OSBPL1A: variants seen among roughly 807,000 people sequenced by gnomAD.
OSBPL1A encodes oxysterol binding protein like 1A.
Under a neutral mutation model 137.1 loss-of-function variants are expected in OSBPL1A, and 80 were observed. The observed-to-expected ratio is 0.58, with a 90% confidence interval of 0.49 to 0.70. The LOEUF (loss-of-function observed/expected upper bound fraction) is 0.70. Among genes scored for constraint, OSBPL1A ranks in the 30% least tolerant of loss-of-function variants. The probability of loss-of-function intolerance (pLI) is 0.00; values close to 1 mark genes in which losing one functional copy is unlikely to be tolerated. For missense variants in OSBPL1A, 970 were observed against 1,129.4 expected (o/e 0.86, Z 2.02); for synonymous variants, 365 against 389.7 (o/e 0.94, Z 0.75).
chr18:24,316,570 A>C (rs1439606874), intron 11 of OSBPL1A, among the ~76,000 whole-genome samples: 1 of 152,208 alleles, frequency 6.6e-6, no homozygotes, highest in African/African-American at 2.4e-5. Flanking sequence ...AGAGATAAAG[A>C]GGGCCACAAA....
chr18:24,346,830 T>C (rs574162132), intron 4 of OSBPL1A, among the ~76,000 whole-genome samples: 2 of 152,150 alleles, frequency 1.3e-5, no homozygotes, highest in South Asian at 2.1e-4. Context: ...AGCCTCAAGC[T>C]CCTGGCTCAA....
intron 15 of OSBPL1A, among the ~76,000 whole-genome samples, chr18:24,270,653 G>C (rs16940623): frequency 0.29 from 43,640 of 151,870 alleles, 6,707 homozygotes; most frequent in Middle Eastern, 0.34. Flanking sequence ...AAAGACATCA[G>C]CTTAGGGACT....
At chr18:24,252,491 A>G (rs1213893501) in intron 15 of OSBPL1A, among the ~76,000 whole-genome samples, 2 of 149,660 alleles carry the variant, frequency 1.3e-5, no homozygotes, top group Non-Finnish European at 3.0e-5. Context: ...TCCTTCAAAC[A>G]TAAAGGAGAA....
At chr18:24,181,471 T>C (rs1407324080) in intron 18 of OSBPL1A, among the ~76,000 whole-genome samples, 192 bp from the exon 19 acceptor site, 1 of 152,216 alleles carries the variant, frequency 6.6e-6, no homozygotes, top group Non-Finnish European at 1.5e-5. Context: ...CTTCTAGGCC[T>C]TGAAGGAGGA....
chr18:24,273,405 T>G (rs2089767100), intron 15 of OSBPL1A, among the ~76,000 whole-genome samples: 1 of 152,234 alleles, frequency 6.6e-6, no homozygotes, highest in Non-Finnish European at 1.5e-5. Context: ...ACAAATTACC[T>G]TCTTGTTTTA....
At chr18:24,272,053 C>G (rs2089736209) in intron 15 of OSBPL1A, 2 of 982,624 alleles carry the variant, frequency 2.0e-6, no homozygotes, top group Non-Finnish European at 2.4e-6. Flanking sequence ...CCGCTCCTCC[C>G]CTTCCCCAGC....
intron 21 of OSBPL1A, among the ~76,000 whole-genome samples, chr18:24,174,742 A>G (rs974731783): frequency 6.6e-6 from 1 of 152,118 alleles, no homozygotes; most frequent in Non-Finnish European, 1.5e-5. Flanking sequence ...CAGTTCTCTA[A>G]TAACTGATGC....
chr18:24,393,574 T>A (rs530151522), intron 1 of OSBPL1A, among the ~76,000 whole-genome samples: 1 of 152,346 alleles, frequency 6.6e-6, no homozygotes, highest in Non-Finnish European at 1.5e-5. Flanking sequence ...TGCCTCAGCC[T>A]CCCAAGTAGC....
chr18:24,209,772 C>G (rs780918082), intron 17 of OSBPL1A, among the ~76,000 whole-genome samples: 23 of 152,178 alleles, frequency 1.5e-4, no homozygotes, highest in Non-Finnish European at 2.9e-4. Context: ...ACGCCACATT[C>G]AAGGAGCACA....
intron 27 of OSBPL1A, among the ~76,000 whole-genome samples, chr18:24,164,719 C>A (rs1441985728): frequency 6.6e-6 from 1 of 152,066 alleles, no homozygotes; most frequent in Non-Finnish European, 1.5e-5. Flanking sequence ...TGAGCCACTG[C>A]ACCCCGCCAG....
chr18:24,199,379 A>G (rs1167096065), intron 17 of OSBPL1A, among the ~76,000 whole-genome samples: 4 of 151,486 alleles, frequency 2.6e-5, no homozygotes, highest in Admixed American at 6.6e-5. Flanking sequence ...CCTTGCCCCC[A>G]GCTCCCCCGG....
At chr18:24,220,150 C>G (rs993615336) in intron 17 of OSBPL1A, among the ~76,000 whole-genome samples, 3 of 152,258 alleles carry the variant, frequency 2.0e-5, no homozygotes, top group Admixed American at 2.0e-4. Context: ...CCACTGGCCT[C>G]TGATGACAGA....
chr18:24,170,348 T>C lies in OSBPL1A; in HGVS notation c.2397A>G (p.Glu799=). 4.3e-6 allele frequency: 7 copies of C among 1,614,210 alleles called. No homozygotes were observed. The highest frequency in any genetic ancestry group is 4.2e-6 in the Non-Finnish European group (5 of 1,180,034). ...AYKKNDKKNT[E]EKKNSKQMST... Reference sequence around the variant, plus strand: ...TCACCTGTTTGCTGTTCTTCTTCTCTTCTGTATTTTTCTTATCATTTTTTT... The same window carrying C: ...TCACCTGTTTGCTGTTCTTCTTCTCCTCTGTATTTTTCTTATCATTTTTTT... Residue 799 remains glutamate (E), a synonymous_variant, in exon 24 of 28, where the codon GAA becomes GAG. Transcript: ENST00000319481.
Position 24,280,949 on chromosome 18 carries a change from C to T in OSBPL1A, c.1175-1G>A. ...TTCTGAAGAAATGATGGAAGCATTT[C>T]TATAAAGAAAAAAATAAATACAGTG... On this transcript the variant is annotated splice_acceptor_variant, in intron 14 of 27. Coordinates refer to ENST00000319481, the MANE Select transcript of OSBPL1A (RefSeq NM_080597.4). LOFTEE classifies it high-confidence loss of function. 6.3e-7 allele frequency: 1 copy of T among 1,580,938 alleles called. No homozygotes were observed. The highest frequency in any genetic ancestry group is 1.2e-5 in the South Asian group (1 of 85,882).
Position 24,162,281 on chromosome 18 carries a change from G to A in OSBPL1A, c.*898C>T, listed in dbSNP as rs2086035042. 1 of 152,120 alleles carries A rather than the reference G, an allele frequency of 6.6e-6. No individual in the cohort carries two copies. Among genetic ancestry groups the A allele is most frequent in the Admixed American group, 6.5e-5 (1 of 15,272 alleles). The allele number at this position is 152,120 out of a possible 1,614,324, so 9.4% of individuals were successfully genotyped here. A position where few individuals can be genotyped will look rare whatever the true frequency, so the allele number is the denominator to read the frequency against. On this transcript the variant is annotated 3_prime_UTR_variant, in exon 28 of 28. Coordinates refer to ENST00000319481, the MANE Select transcript of OSBPL1A (RefSeq NM_080597.4). ...TCTCCACACATATTTTAAGTACACA[G>A]GTACTTTGCAAACTTGAAATGCACA...
chr18:24,330,386 GTATTGT>G (rs1330394951), intron 7 of OSBPL1A, among the ~76,000 whole-genome samples: 2 of 151,700 alleles, frequency 1.3e-5, no homozygotes, highest in East Asian at 3.9e-4. Flanking sequence ...GATTATAATG[GTATTGT>G]TATTAACTAC....
At chr18:24,218,796 TAG>T (rs1452912167) in intron 17 of OSBPL1A, among the ~76,000 whole-genome samples, 1 of 152,112 alleles carries the variant, frequency 6.6e-6, no homozygotes, top group Non-Finnish European at 1.5e-5. Context: ...TGAAAATCAC[TAG>T]AGAGTATAGT....
chr18:24,335,975 CT>C (rs1251792684), intron 5 of OSBPL1A, among the ~76,000 whole-genome samples: 1 of 152,240 alleles, frequency 6.6e-6, no homozygotes, highest in East Asian at 1.9e-4. Flanking sequence ...TCCATGGCTT[CT>C]GCTGCTGGGA....
intron 15 of OSBPL1A, among the ~76,000 whole-genome samples, chr18:24,257,849 A>G (rs2089328682): frequency 6.6e-6 from 1 of 152,350 alleles, no homozygotes; most frequent in South Asian, 2.1e-4. Context: ...CAAAAGACAT[A>G]CAAATGGAAA....
Sources: gnomAD v4.1 joint callset for allele counts (sites outside exome capture counted in the v4.1 genomes callset) on GRCh38, gnomAD v4.1.1 for gene constraint, MANE v1.5 for transcripts, NCBI Gene and HGNC (gene_info 2026-07-23, HGNC 2026-07-21) for gene names.